MCU: variants seen among roughly 807,000 people sequenced by gnomAD.
MCU encodes calcium uniporter protein, mitochondrial.
Under a neutral mutation model 45.2 loss-of-function variants are expected in MCU, and 12 were observed. The ratio of observed to expected loss-of-function variants is 0.27; its 90% CI spans 0.17 to 0.43. The LOEUF is 0.43. Among genes scored for constraint, MCU ranks in the 20% least tolerant of loss-of-function variants. The probability of loss-of-function intolerance (pLI) is 1.00; values close to 1 mark genes in which losing one functional copy is unlikely to be tolerated. For synonymous variants in MCU, 160 were observed against 165.1 expected, an observed-to-expected ratio of 0.97 and a Z score of 0.24; for missense variants, 324 against 436.7, an observed-to-expected ratio of 0.74 and a Z score of 2.30.
intron 1 of MCU, among the ~76,000 whole-genome samples, chr10:72,710,616 A>G (rs998017164): frequency 6.8e-6 from 1 of 147,604 alleles, no homozygotes; most frequent in Non-Finnish European, 1.5e-5. Context: ...ATTATGTTCA[A>G]TCAGACATAC....
At chr10:72,880,171 A>G (rs1287902226) in intron 6 of MCU, among the ~76,000 whole-genome samples, 2 of 152,262 alleles carry the variant, frequency 1.3e-5, no homozygotes, top group African/African-American at 2.4e-5. Flanking sequence ...TACCGCTCCT[A>G]TTCACCTTTG....
intron 1 of MCU, among the ~76,000 whole-genome samples, chr10:72,733,866 A>G (rs1049775469): frequency 4.0e-4 from 60 of 151,794 alleles, no homozygotes; most frequent in Middle Eastern, 3.4e-3. Context: ...TTTTATTATG[A>G]TGGTACAATA....
At chr10:72,755,544 T>C (rs1300367367) in intron 1 of MCU, among the ~76,000 whole-genome samples, 2 of 152,214 alleles carry the variant, frequency 1.3e-5, no homozygotes, top group Non-Finnish European at 2.9e-5. Flanking sequence ...GTGAGTACTA[T>C]ATGAGTTAAA....
chr10:72,798,290 ATTTG>A (rs960339796), intron 1 of MCU, among the ~76,000 whole-genome samples: 12 of 151,908 alleles, frequency 7.9e-5, no homozygotes, highest in African/African-American at 1.7e-4. Context: ...GGTGCCCACT[ATTTG>A]TTTGTTTGTT....
At chr10:72,749,069 C>G (rs1007327083) in intron 1 of MCU, among the ~76,000 whole-genome samples, 2 of 151,830 alleles carry the variant, frequency 1.3e-5, no homozygotes, top group Admixed American at 6.6e-5. Context: ...CAAGACCAGT[C>G]TGGGCAACAG....
chr10:72,765,351 G>A (rs1022847490), intron 1 of MCU, among the ~76,000 whole-genome samples: 7 of 151,976 alleles, frequency 4.6e-5, no homozygotes, highest in African/African-American at 1.7e-4. Context: ...GAAGGGAAAG[G>A]TTTTATTAGC....
intron 1 of MCU, among the ~76,000 whole-genome samples, chr10:72,810,536 C>G (rs894237270): frequency 4.3e-5 from 6 of 140,044 alleles, no homozygotes; most frequent in Non-Finnish European, 9.0e-5. Context: ...GGTGCAATCT[C>G]GGCTCACTGC....
chr10:72,798,939 T>G (rs1375960357), intron 1 of MCU, among the ~76,000 whole-genome samples: 1 of 152,142 alleles, frequency 6.6e-6, no homozygotes, highest in African/African-American at 2.4e-5. Flanking sequence ...CTTGATTCTT[T>G]TATTTTTATT....
rs531472916 is a variant in MCU, at chr10:72,795,808, G to GACA, written c.151-38547_151-38545dup. Reference sequence around the variant, plus strand: ...AGTTCAAGAGTTCAAGACCAGCCTGGACAACATAGTGAAACCCTGTCTCTA... The same window carrying GACA: ...AGTTCAAGAGTTCAAGACCAGCCTGGACAACAACATAGTGAAACCCTGTCTCTA... On this transcript the variant is annotated intron_variant, in intron 1 of 7. Transcript: ENST00000373053. Among the ~76,000 whole-genome samples, 55 of 152,168 alleles carry GACA rather than the reference G, an allele frequency of 3.6e-4. No homozygotes were observed. The East Asian group carries it at 0.011, about 30-fold the overall frequency.
At chr10:72,786,380 T>A (rs142387470) in intron 1 of MCU, among the ~76,000 whole-genome samples, 7 of 152,326 alleles carry the variant, frequency 4.6e-5, no homozygotes, top group African/African-American at 1.7e-4. Flanking sequence ...GTGTGCTCTG[T>A]GTGCCTCAGT....
chr10:72,807,415 AC>A (rs952618697), intron 1 of MCU, among the ~76,000 whole-genome samples: 35 of 151,912 alleles, frequency 2.3e-4, no homozygotes, highest in African/African-American at 8.4e-4. Flanking sequence ...GGAAATGGCA[AC>A]TTTTAATGTG....
chr10:72,728,925 C>CT (rs1382665501), intron 1 of MCU, among the ~76,000 whole-genome samples: 2 of 152,100 alleles, frequency 1.3e-5, no homozygotes, highest in Non-Finnish European at 2.9e-5. Flanking sequence ...AAGATAAATA[C>CT]TAGAAAGACT....
At chr10:72,783,461 A>G (rs987039588) in intron 1 of MCU, among the ~76,000 whole-genome samples, 2 of 150,376 alleles carry the variant, frequency 1.3e-5, no homozygotes, top group African/African-American at 2.5e-5. Flanking sequence ...GGCTTTGCAT[A>G]TGCCATGTGC....
At chr10:72,834,763 G>T (rs1844931485) in intron 2 of MCU, among the ~76,000 whole-genome samples, 1 of 152,120 alleles carries the variant, frequency 6.6e-6, no homozygotes, top group South Asian at 2.1e-4. Flanking sequence ...CTGGATTCAA[G>T]CAATTCTCCT....
intron 1 of MCU, among the ~76,000 whole-genome samples, chr10:72,713,598 A>T (rs958324055): frequency 6.6e-6 from 1 of 152,200 alleles, no homozygotes; most frequent in Non-Finnish European, 1.5e-5. Context: ...AAATTATTTT[A>T]CCGTGAAAAG....
At chr10:72,714,459 T>C (rs1459822449) in intron 1 of MCU, among the ~76,000 whole-genome samples, 1 of 150,504 alleles carries the variant, frequency 6.6e-6, no homozygotes, top group Middle Eastern at 3.2e-3. Flanking sequence ...TTTTGAATAG[T>C]TGGGACTATA....
At chr10:72,806,449 C>T (rs1027702642) in intron 1 of MCU, among the ~76,000 whole-genome samples, 3 of 152,134 alleles carry the variant, frequency 2.0e-5, no homozygotes, top group Non-Finnish European at 2.9e-5. Flanking sequence ...CGTGAGCCAC[C>T]GCGCCCGGCA....
At chr10:72,731,558 C>G (rs1843174564) in intron 1 of MCU, among the ~76,000 whole-genome samples, 1 of 152,044 alleles carries the variant, frequency 6.6e-6, no homozygotes, top group East Asian at 1.9e-4. Context: ...ATATCTGATT[C>G]CAGAATGTTT....
chr10:72,788,314 T>G (rs1844106471), intron 1 of MCU, among the ~76,000 whole-genome samples: 1 of 152,214 alleles, frequency 6.6e-6, no homozygotes, highest in African/African-American at 2.4e-5. Flanking sequence ...ACATAGGTAG[T>G]AGGCTGGCAT....
Sources: allele counts gnomAD v4.1 joint callset (sites outside exome capture counted in the v4.1 genomes callset), GRCh38; gene constraint gnomAD v4.1.1; transcripts MANE v1.5; gene names NCBI Gene and HGNC (gene_info 2026-07-23, HGNC 2026-07-21).